Variants in SLC43A2 observed in about 807,000 individuals in gnomAD.
SLC43A2 encodes solute carrier family 43 member 2.
In SLC43A2, 38 loss-of-function variants were observed where a neutral mutation model predicts 63.2. The ratio of observed to expected loss-of-function variants is 0.60; its 90% CI spans 0.46 to 0.79. SLC43A2 has a LOEUF of 0.79. Ranked by LOEUF, SLC43A2 falls within the 30% of genes least tolerant of loss-of-function variation. The pLI is 0.00. For missense variants in SLC43A2, 644 were observed against 756.2 expected (o/e 0.85, Z 1.74); for synonymous variants, 322 against 331.0 (o/e 0.97, Z 0.30).
intron 5 of SLC43A2, among the ~76,000 whole-genome samples, chr17:1,595,922 C>T (rs114769928): frequency 2.1e-3 from 322 of 152,356 alleles, no homozygotes; most frequent in African/African-American, 7.5e-3. Context: ...AACTTGGCGA[C>T]ATACCTGTCT....
At chr17:1,611,239 G>A (rs953016751) in intron 5 of SLC43A2, among the ~76,000 whole-genome samples, 1 of 152,180 alleles carries the variant, frequency 6.6e-6, no homozygotes, top group African/African-American at 2.4e-5. Context: ...GGACCATCTC[G>A]TTCCTTTATC....
chr17:1,586,136 C>G, intron 9 of SLC43A2, 85 bp from the exon 10 acceptor site: 6 of 1,484,390 alleles, frequency 4.0e-6, no homozygotes, highest in Non-Finnish European at 5.4e-6. Context: ...AGGGGCTGGT[C>G]CCCACAGGCT....
At chr17:1,607,746 C>T (rs1171443416) in intron 5 of SLC43A2, among the ~76,000 whole-genome samples, 15 of 151,926 alleles carry the variant, frequency 9.9e-5, no homozygotes, top group Middle Eastern at 3.4e-3. Context: ...GTCAGAGTCT[C>T]GCTCTGTCAC....
At chr17:1,599,745 C>G (rs1350506983) in intron 5 of SLC43A2, among the ~76,000 whole-genome samples, 11 of 150,908 alleles carry the variant, frequency 7.3e-5, no homozygotes, top group Admixed American at 7.3e-4. Context: ...CATTTTTCTA[C>G]AACTTAAAAA....
chr17:1,601,076 G>GTTTA (rs1905968783), intron 5 of SLC43A2, among the ~76,000 whole-genome samples: 1 of 151,646 alleles, frequency 6.6e-6, no homozygotes, highest in Non-Finnish European at 1.5e-5. Flanking sequence ...GTGTTTGTTT[G>GTTTA]TTTGTTTGTT....
Position 1,575,568 on chromosome 17 carries a change from C to T in SLC43A2, c.*36G>A, listed in dbSNP as rs747113914. The T allele has an allele frequency of 3.1e-6, 5 of 1,613,874 alleles. No individual in the cohort carries two copies. The Admixed American group carries it at 6.7e-5, about 22-fold the overall frequency. On this transcript the variant is annotated 3_prime_UTR_variant, in exon 14 of 14. Coordinates refer to ENST00000301335, the MANE Select transcript of SLC43A2 (RefSeq NM_152346.3). ...GCAGGACAGGGGTCAGTCACTGAAG[C>T]ACAGGCAGGAGACCGCAGTTCCGAG...
At chr17:1,582,009 T>A (rs563312225) in intron 11 of SLC43A2, among the ~76,000 whole-genome samples, 1 of 151,118 alleles carries the variant, frequency 6.6e-6, no homozygotes, top group Non-Finnish European at 1.5e-5. Context: ...GTTTCACCAT[T>A]TTGGATAGGC....
intron 6 of SLC43A2, 36 bp from the exon 7 acceptor site, chr17:1,591,735 G>GGGGGGGGGGGGGGGGGGGGGGGGGGA: frequency 1.5e-6 from 1 of 652,924 alleles, no homozygotes; most frequent in Non-Finnish European, 2.5e-6. Context: ...GGGGGGGGGA[G>GGGGGGGGGGGGGGGGGGGGGGGGGGA]GGGGCAGAGT....
At chr17:1,585,820 C>G (rs944970109) in intron 10 of SLC43A2, 93 bp downstream of exon 10, 1 of 1,605,834 alleles carries the variant, frequency 6.2e-7, no homozygotes. Context: ...CTCTCTCCCT[C>G]TGTCCCACCC....
At chr17:1,620,558 A>ATCCCTGCC (rs887469208) in intron 2 of SLC43A2, among the ~76,000 whole-genome samples, 6 of 152,064 alleles carry the variant, frequency 3.9e-5, no homozygotes, top group Non-Finnish European at 7.4e-5. Context: ...TCTTAAACAA[A>ATCCCTGCC]TCCCTGCCGA....
chr17:1,610,148 C>G (rs1293829375), intron 5 of SLC43A2, among the ~76,000 whole-genome samples: 1 of 151,970 alleles, frequency 6.6e-6, no homozygotes, highest in Admixed American at 6.6e-5. Context: ...AACTCCTGAC[C>G]TCAGGTGATG....
chr17:1,576,850 G>C (rs2075941110), intron 12 of SLC43A2, 130 bp from the exon 13 acceptor site: 5 of 1,097,176 alleles, frequency 4.6e-6, no homozygotes, highest in Non-Finnish European at 6.3e-6. Flanking sequence ...ATTCCTTCCT[G>C]CTGGGCAGTT....
chr17:1,607,217 C>T (rs1457357050), intron 5 of SLC43A2, among the ~76,000 whole-genome samples: 1 of 152,178 alleles, frequency 6.6e-6, no homozygotes, highest in Non-Finnish European at 1.5e-5. Context: ...TTAGAAATTC[C>T]TAAAGGCGAC....
At chr17:1,616,516 G>C (rs3809799) in intron 3 of SLC43A2, 46 bp downstream of exon 3, 1 of 1,551,546 alleles carries the variant, frequency 6.4e-7, no homozygotes, top group Admixed American at 1.9e-5. Context: ...CTCAGCCCAG[G>C]GGGTCCACCT....
At chr17:1,594,240 A>G (rs1019932009) in intron 5 of SLC43A2, among the ~76,000 whole-genome samples, 1 of 152,124 alleles carries the variant, frequency 6.6e-6, no homozygotes, top group Non-Finnish European at 1.5e-5. Context: ...TCTCTTCCCA[A>G]CGAAGCCACT....
intron 9 of SLC43A2, chr17:1,586,928 T>TCACCCC: frequency 3.2e-6 from 4 of 1,232,916 alleles, no homozygotes; most frequent in Admixed American, 4.5e-5. Flanking sequence ...TCCCTGACAA[T>TCACCCC]CCCCCCCACC....
chr17:1,591,038 A>G (rs763737140), intron 8 of SLC43A2, 90 bp from the exon 9 acceptor site: 23 of 1,436,060 alleles, frequency 1.6e-5, no homozygotes, highest in Non-Finnish European at 2.2e-5. Flanking sequence ...GGAGGCCAGG[A>G]GGGGGCCCTC....
rs1383941301 is a variant in SLC43A2, at chr17:1,577,611, C to G, written c.1424+639G>C. 6.6e-6 allele frequency among the ~76,000 whole-genome samples: 1 copy of G among 152,208 alleles called. No individual in the cohort carries two copies. The highest frequency in any genetic ancestry group is 1.5e-5 in the Non-Finnish European group (1 of 68,034). On this transcript the variant is annotated intron_variant, in intron 12 of 13. Coordinates refer to ENST00000301335, the MANE Select transcript of SLC43A2 (RefSeq NM_152346.3). The surrounding 1 kb of genome is among the most constrained non-coding windows in gnomAD (Gnocchi z 4.9). ...GAAAGGAATCCCAGCAACACATGAG[C>G]TGGTCCCACATCAGAGACTGTGGAT... is the stretch of plus-strand genomic sequence containing the variant.
chr17:1,575,059 C>T lies in SLC43A2; in HGVS notation c.*545G>A, dbSNP rs987834449. ...AACGGGTGGGCAGGCCCTGGACAGGCGACAGGGGGCTGGAATTACAAAGGA... is the reference window on the plus strand; with the variant it reads ...AACGGGTGGGCAGGCCCTGGACAGGTGACAGGGGGCTGGAATTACAAAGGA... On this transcript the variant is annotated 3_prime_UTR_variant, in exon 14 of 14. Coordinates refer to ENST00000301335, the MANE Select transcript of SLC43A2 (RefSeq NM_152346.3). 1.7e-4 allele frequency: 29 copies of T among 166,734 alleles called. No individual in the cohort carries two copies. Among genetic ancestry groups the T allele is most frequent in the Admixed American group, 1.5e-3 (27 of 17,464 alleles). 10.3% of individuals were successfully genotyped at this position (166,734 alleles called of 1,614,324 possible). A position where few individuals can be genotyped will look rare whatever the true frequency, so the allele number is the denominator to read the frequency against.
Sources: gnomAD v4.1 joint callset for allele counts (sites outside exome capture counted in the v4.1 genomes callset) on GRCh38, gnomAD v4.1.1 for gene constraint, Gnocchi (gnomAD v3.1) non-coding constraint, MANE v1.5 for transcripts, NCBI Gene and HGNC (gene_info 2026-07-23, HGNC 2026-07-21) for gene names.